The following SAMD5 variants were observed in gnomAD, a reference collection of about 807,000 sequenced individuals.
SAMD5 encodes the protein sterile alpha motif domain-containing protein 5.
SAMD5 carries 13 observed loss-of-function variants against 11.3 expected under a neutral mutation model. The ratio of observed to expected loss-of-function variants is 1.15; its 90% CI spans 0.75 to 1.83. SAMD5 has a LOEUF of 1.83. SAMD5 is among the 40% of genes most tolerant of loss of function. The probability of loss-of-function intolerance (pLI) is 0.00; values close to 1 mark genes in which losing one functional copy is unlikely to be tolerated. For synonymous variants in SAMD5, 129 were observed against 111.3 expected (o/e 1.16, Z -1.00); for missense variants, 255 against 239.1 (o/e 1.07, Z -0.44).
chr6:147,790,941 G>A, the SAMD5 span, among the ~76,000 whole-genome samples: 4 of 151,964 alleles, frequency 2.6e-5, no homozygotes, highest in South Asian at 8.3e-4. Context: ...TGTTGACTTT[G>A]TGTTAAGTAT....
the SAMD5 span, among the ~76,000 whole-genome samples, chr6:147,810,734 A>T: frequency 6.6e-6 from 1 of 152,278 alleles, no homozygotes; most frequent in East Asian, 1.9e-4. Context: ...ACTCTATTGG[A>T]TTTACTCATT....
chr6:147,813,210 G>T, the SAMD5 span, among the ~76,000 whole-genome samples: 2 of 152,228 alleles, frequency 1.3e-5, no homozygotes, highest in Non-Finnish European at 1.5e-5. Context: ...GAGAGTAGGT[G>T]CATTGGAGAT....
intron 1 of SAMD5, among the ~76,000 whole-genome samples, chr6:147,700,767 A>T (rs1248943419): frequency 2.6e-5 from 4 of 152,242 alleles, no homozygotes; most frequent in African/African-American, 9.6e-5. Context: ...GGCATATTTT[A>T]AAAAATTAGG....
the SAMD5 span, among the ~76,000 whole-genome samples, chr6:147,864,896 C>T: frequency 6.6e-6 from 1 of 152,162 alleles, no homozygotes; most frequent in Non-Finnish European, 1.5e-5. Flanking sequence ...AATAAACACA[C>T]ACTTCCAGTT....
the SAMD5 span, among the ~76,000 whole-genome samples, chr6:147,823,388 G>A: frequency 6.6e-6 from 1 of 151,976 alleles, no homozygotes; most frequent in African/African-American, 2.4e-5. Flanking sequence ...AAGAACTATT[G>A]GAATTGCTTT....
chr6:147,850,107 T>G, the SAMD5 span, among the ~76,000 whole-genome samples: 4 of 152,246 alleles, frequency 2.6e-5, no homozygotes, highest in African/African-American at 4.8e-5. Context: ...AAATTCATAG[T>G]GCCTAACAGT....
chr6:147,774,055 T>C, the SAMD5 span, among the ~76,000 whole-genome samples: 2 of 152,150 alleles, frequency 1.3e-5, no homozygotes, highest in African/African-American at 4.8e-5. Context: ...TGGCCCAGAC[T>C]GACCTCAAAC....
chr6:147,798,363 T>C, the SAMD5 span, among the ~76,000 whole-genome samples: 5 of 150,434 alleles, frequency 3.3e-5, no homozygotes, highest in Non-Finnish European at 5.9e-5. Flanking sequence ...TCAGTTTCCA[T>C]GTAGTTGAGC....
chr6:147,850,484 A>C, the SAMD5 span, among the ~76,000 whole-genome samples: 1 of 152,206 alleles, frequency 6.6e-6, no homozygotes, highest in Admixed American at 6.5e-5. Flanking sequence ...TAATGCCAGG[A>C]GAAATACAGC....
At chr6:147,780,743 A>G in the SAMD5 span, among the ~76,000 whole-genome samples, 1 of 152,218 alleles carries the variant, frequency 6.6e-6, no homozygotes, top group Non-Finnish European at 1.5e-5. Flanking sequence ...TAACTTTTTC[A>G]TATAATAAAT....
At chr6:147,862,009 T>C in the SAMD5 span, among the ~76,000 whole-genome samples, 3 of 152,170 alleles carry the variant, frequency 2.0e-5, no homozygotes, top group Non-Finnish European at 4.4e-5. Context: ...GGCCAGAAAG[T>C]ATCCTCACTA....
intron 1 of SAMD5, among the ~76,000 whole-genome samples, chr6:147,686,211 T>C (rs536133063): frequency 6.6e-6 from 1 of 152,358 alleles, no homozygotes; most frequent in East Asian, 1.9e-4. Flanking sequence ...TTTGGTCATA[T>C]ATTGCAGGCA....
the SAMD5 span, among the ~76,000 whole-genome samples, chr6:147,859,665 T>C: frequency 2.0e-5 from 3 of 152,298 alleles, 1 homozygote; most frequent in South Asian, 4.1e-4. Flanking sequence ...AAGTAATCAA[T>C]AACACAACAC....
the SAMD5 span, among the ~76,000 whole-genome samples, chr6:147,916,970 G>T: frequency 6.7e-6 from 1 of 148,840 alleles, no homozygotes; most frequent in Non-Finnish European, 1.5e-5. Context: ...TGGACATTTG[G>T]GTTGGTTCCA....
chr6:147,827,953 C>A, the SAMD5 span, among the ~76,000 whole-genome samples: 3 of 148,072 alleles, frequency 2.0e-5, no homozygotes, highest in Non-Finnish European at 4.4e-5. Context: ...CCACTCCCGG[C>A]TAATTTTTCT....
At chr6:147,807,348 C>CT in the SAMD5 span, among the ~76,000 whole-genome samples, 414 of 152,274 alleles carry the variant, frequency 2.7e-3, 1 homozygote, top group African/African-American at 9.6e-3. Context: ...CATGATCCGC[C>CT]TGCCTTGGCC....
At chr6:147,649,350 T>C (rs1790449811) in intron 1 of SAMD5, among the ~76,000 whole-genome samples, 1 of 152,250 alleles carries the variant, frequency 6.6e-6, no homozygotes, top group Non-Finnish European at 1.5e-5. Context: ...ATTTGCGGAA[T>C]ATTGGCATGT....
At chr6:147,668,741 G>T (rs1790755703) in intron 1 of SAMD5, among the ~76,000 whole-genome samples, 1 of 152,170 alleles carries the variant, frequency 6.6e-6, no homozygotes, top group South Asian at 2.1e-4. Context: ...CTACTTGGGA[G>T]GCTGAGGCAG....
the SAMD5 span, among the ~76,000 whole-genome samples, chr6:147,873,259 C>A: frequency 6.6e-6 from 1 of 151,956 alleles, no homozygotes; most frequent in Non-Finnish European, 1.5e-5. Context: ...CGCCTGTAGT[C>A]CCAGCTACTC....
Sources: allele counts gnomAD v4.1 joint callset (sites outside exome capture counted in the v4.1 genomes callset), GRCh38; gene constraint gnomAD v4.1.1; transcripts MANE v1.5; gene names NCBI Gene and HGNC (gene_info 2026-07-23, HGNC 2026-07-21).